RIMS1: variants seen among roughly 807,000 people sequenced by gnomAD.
RIMS1 encodes the protein regulating synaptic membrane exocytosis protein 1.
In RIMS1, 83 loss-of-function variants were observed where a neutral mutation model predicts 214.1. The ratio of observed to expected loss-of-function variants is 0.39; its 90% CI spans 0.32 to 0.47. The LOEUF (loss-of-function observed/expected upper bound fraction) is 0.47. RIMS1 is among the 20% of genes least tolerant of loss of function. The pLI is 0.99. For synonymous variants in RIMS1, 793 were observed against 786.8 expected (o/e 1.01, Z -0.13); for missense variants, 2,050 against 2,161.8 (o/e 0.95, Z 1.03).
At chr6:72,345,110 A>G (rs1468462244) in intron 29 of RIMS1, among the ~76,000 whole-genome samples, 1 of 151,804 alleles carries the variant, frequency 6.6e-6, no homozygotes, top group African/African-American at 2.4e-5. Flanking sequence ...TCAGGCAGCT[A>G]AAGATGTAAC....
intron 6 of RIMS1, among the ~76,000 whole-genome samples, chr6:72,196,001 C>T (rs997053460): frequency 4.6e-5 from 7 of 151,982 alleles, no homozygotes; most frequent in African/African-American, 7.2e-5. Flanking sequence ...TGGGGGACAC[C>T]GCCCCCATGA....
At chr6:72,278,320 A>G (rs2087863824) in intron 23 of RIMS1, among the ~76,000 whole-genome samples, 1 of 152,126 alleles carries the variant, frequency 6.6e-6, no homozygotes, top group Admixed American at 6.5e-5. Context: ...ACTATGTTTA[A>G]TTCCTGAGTT....
chr6:71,896,262 G>A (rs1488831593), intron 1 of RIMS1, among the ~76,000 whole-genome samples: 3 of 152,092 alleles, frequency 2.0e-5, no homozygotes, highest in Non-Finnish European at 2.9e-5. Flanking sequence ...TATTGAGAAT[G>A]GATATTTCAA....
chr6:72,005,477 G>A (rs889475391), intron 2 of RIMS1, among the ~76,000 whole-genome samples: 1 of 152,170 alleles, frequency 6.6e-6, no homozygotes, highest in Non-Finnish European at 1.5e-5. Flanking sequence ...GAGCTGATCA[G>A]TAAGTATTTG....
intron 29 of RIMS1, among the ~76,000 whole-genome samples, chr6:72,384,555 C>G (rs1321087351): frequency 1.3e-5 from 2 of 152,110 alleles, no homozygotes; most frequent in Non-Finnish European, 2.9e-5. Context: ...CTGCTTTTCC[C>G]CCACCTTAAA....
chr6:72,217,362 G>T, intron 6 of RIMS1: 7 of 878,342 alleles, frequency 8.0e-6, no homozygotes, highest in Non-Finnish European at 1.2e-5. Flanking sequence ...AGAGAATAAG[G>T]ATGTTTTGCT....
intron 4 of RIMS1, among the ~76,000 whole-genome samples, chr6:72,137,183 T>G (rs1246488173): frequency 1.3e-5 from 2 of 152,116 alleles, no homozygotes; most frequent in African/African-American, 4.8e-5. Context: ...TCATTCTTGT[T>G]GTTTCAAGGG....
chr6:72,143,630 C>T (rs141450733), intron 4 of RIMS1, among the ~76,000 whole-genome samples: 152 of 152,240 alleles, frequency 1.0e-3, no homozygotes, highest in Non-Finnish European at 1.5e-3. Flanking sequence ...ACGTTGAAAC[C>T]TTGGTGATGA....
chr6:71,979,838 C>G (rs545481447), intron 2 of RIMS1, among the ~76,000 whole-genome samples: 18 of 152,074 alleles, frequency 1.2e-4, no homozygotes, highest in African/African-American at 4.3e-4. Flanking sequence ...TTGGCATATT[C>G]TCTTGATTTA....
At chr6:72,062,726 G>C (rs1415869161) in intron 2 of RIMS1, among the ~76,000 whole-genome samples, 4 of 152,122 alleles carry the variant, frequency 2.6e-5, no homozygotes, top group African/African-American at 9.7e-5. Flanking sequence ...CAGAATTTGG[G>C]GATTAGCAGG....
At position 72,064,104 on chromosome 6, in the gene RIMS1, G is replaced by A. The variant is rs1302975708; in HGVS notation, c.246-32845G>A. ...AGGTCGAGGTGGGTGGATCACCTGA[G>A]GTCAAGAGTTCGAGACCAGCCTGGC... On this transcript the variant is annotated intron_variant, in intron 2 of 33. Coordinates refer to ENST00000521978, the MANE Select transcript of RIMS1 (RefSeq NM_014989.7). 2.0e-5 allele frequency among the ~76,000 whole-genome samples: 3 copies of A among 152,174 alleles called. No individual in the cohort carries two copies. The East Asian group carries it at 5.8e-4, about 29-fold the overall frequency.
chr6:72,386,731 C>CTTTT (rs35080577), intron 29 of RIMS1, among the ~76,000 whole-genome samples: 69 of 109,848 alleles, frequency 6.3e-4, no homozygotes, highest in Non-Finnish European at 8.1e-4. Flanking sequence ...CACTGTCTTT[C>CTTTT]TTTTTTTTTT....
intron 4 of RIMS1, among the ~76,000 whole-genome samples, chr6:72,141,895 A>G (rs1294718010): frequency 6.6e-6 from 1 of 152,044 alleles, no homozygotes; most frequent in African/African-American, 2.4e-5. Flanking sequence ...CTAGAAAGTA[A>G]CAGGTATTGA....
chr6:72,244,524 T>A (rs767498765), intron 10 of RIMS1, among the ~76,000 whole-genome samples: 1 of 151,880 alleles, frequency 6.6e-6, no homozygotes, highest in African/African-American at 2.4e-5. Flanking sequence ...AGTCATACTA[T>A]CTAAAAATTG....
intron 1 of RIMS1, among the ~76,000 whole-genome samples, chr6:71,942,245 C>A (rs555207360): frequency 2.4e-4 from 37 of 152,118 alleles, no homozygotes; most frequent in Non-Finnish European, 4.7e-4. Context: ...CTGAGTCAGG[C>A]AACTAATTCT....
Position 71,886,855 on chromosome 6 carries a change from G to C in RIMS1, c.-169G>C, listed in dbSNP as rs1767895378. 2.9e-6 allele frequency: 2 copies of C among 678,572 alleles called. No individual in the cohort carries two copies. The highest frequency in any genetic ancestry group is 2.8e-5 in the Admixed American group (1 of 35,916). 42.0% of individuals were successfully genotyped at this position (678,572 alleles called of 1,614,324 possible). A position where few individuals can be genotyped will look rare whatever the true frequency, so the allele number is the denominator to read the frequency against. On this transcript the variant is annotated 5_prime_UTR_variant, in exon 1 of 34. Transcript: ENST00000521978. ...AACAACCATGAAAGACTGGGTTCTC[G>C]CTCTCCCCGGCTCTGCTGCTGCTGC...
intron 4 of RIMS1, among the ~76,000 whole-genome samples, chr6:72,138,733 A>G (rs1297323616): frequency 6.6e-6 from 1 of 152,204 alleles, no homozygotes; most frequent in Non-Finnish European, 1.5e-5. Context: ...ATTTTAAAAA[A>G]TCAACTATAA....
intron 2 of RIMS1, among the ~76,000 whole-genome samples, chr6:72,070,776 G>A (rs2152299950): frequency 6.6e-6 from 1 of 152,186 alleles, no homozygotes; most frequent in Admixed American, 6.5e-5. Flanking sequence ...TAACCTGGAG[G>A]GAGGTTTTTG....
intron 29 of RIMS1, among the ~76,000 whole-genome samples, chr6:72,354,662 C>A (rs1227947826): frequency 6.6e-6 from 1 of 152,052 alleles, no homozygotes; most frequent in African/African-American, 2.4e-5. Context: ...CTAATTTTTC[C>A]TAGTACTGTT....
Sources: allele counts gnomAD v4.1 joint callset (sites outside exome capture counted in the v4.1 genomes callset), GRCh38; gene constraint gnomAD v4.1.1; transcripts MANE v1.5; gene names NCBI Gene and HGNC (gene_info 2026-07-23, HGNC 2026-07-21).